The following FGF13 variants were observed in gnomAD, a reference collection of about 807,000 sequenced individuals.
FGF13 encodes fibroblast growth factor 13.
Under a neutral mutation model 19.5 loss-of-function variants are expected in FGF13, and 2 were observed. The ratio of observed to expected loss-of-function variants is 0.10; its 90% CI spans 0.04 to 0.32. The LOEUF is 0.32. FGF13 is among the 10% of genes least tolerant of loss of function. FGF13 has a pLI of 1.00. For missense variants in FGF13, 113 were observed against 192.7 expected (o/e 0.59, Z 2.45); for synonymous variants, 72 against 76.9 (o/e 0.94, Z 0.33).
chrX:139,070,037 A>T lies in FGF13; in HGVS notation c.-113+133379T>A, dbSNP rs181706755. On this transcript the variant is annotated intron_variant, in intron 1 of 2. Transcript: ENST00000421460. Reference sequence around the variant, plus strand: ...TAAAACCATAAAAACTCTAGAAGAAAACCTAGGCAATACCATTCAGGACAT... The same window carrying T: ...TAAAACCATAAAAACTCTAGAAGAATACCTAGGCAATACCATTCAGGACAT... 4.4e-3 allele frequency among the ~76,000 whole-genome samples: 491 copies of T among 112,363 alleles called. 1 individual carries two copies. The highest frequency in any genetic ancestry group is 0.015 in the African/African-American group (466 of 30,939).
At chrX:138,676,808 A>G (rs747270437) in intron 3 of FGF13, among the ~76,000 whole-genome samples, 158 of 112,188 alleles carry the variant, frequency 1.4e-3, no homozygotes, top group Middle Eastern at 4.6e-3. Context: ...TTGCTCCCCC[A>G]TCGCTCAGGT....
At chrX:138,959,299 AG>A (rs2091857393) in intron 1 of FGF13, among the ~76,000 whole-genome samples, 1 of 111,961 alleles carries the variant, frequency 8.9e-6, no homozygotes, top group Non-Finnish European at 1.9e-5. Context: ...ATTCAGGAGC[AG>A]GTTGTTCAGA....
At chrX:138,671,287 C>T (rs57376157) in intron 3 of FGF13, among the ~76,000 whole-genome samples, 1,773 of 110,547 alleles carry the variant, frequency 0.016, 25 homozygotes, top group African/African-American at 0.054. Flanking sequence ...GAAAAACCTC[C>T]GGTTTTTCTA....
chrX:138,819,975 A>G (rs2090987837), intron 3 of FGF13, among the ~76,000 whole-genome samples: 2 of 111,527 alleles, frequency 1.8e-5, no homozygotes, highest in Non-Finnish European at 3.8e-5. Context: ...CCAAGACTTG[A>G]GTTCACAGCT....
At chrX:139,031,168 C>G (rs980991697) in intron 1 of FGF13, among the ~76,000 whole-genome samples, 2 of 111,496 alleles carry the variant, frequency 1.8e-5, no homozygotes, top group South Asian at 7.5e-4. Flanking sequence ...CCCTTCAAAG[C>G]AGCTGAAGAT....
chrX:138,742,190 T>A (rs1163307226), upstream of FGF13, among the ~76,000 whole-genome samples: 1 of 112,333 alleles, frequency 8.9e-6, no homozygotes, highest in Non-Finnish European at 1.9e-5. Context: ...TTCCCTCATT[T>A]ACTGGACTGT....
chrX:138,994,779 A>G (rs1340707600), intron 1 of FGF13, among the ~76,000 whole-genome samples: 2 of 110,959 alleles, frequency 1.8e-5, no homozygotes, highest in African/African-American at 3.3e-5. Context: ...ACCCAATATT[A>G]TTCTTATAAA....
intron 3 of FGF13, among the ~76,000 whole-genome samples, chrX:138,695,030 CACAA>C (rs1335085173): frequency 2.7e-4 from 28 of 103,270 alleles, no homozygotes; most frequent in Middle Eastern, 4.9e-3. Context: ...CACACACACA[CACAA>C]ACCCAGAAAA....
At chrX:139,123,891 C>G (rs2083695519) in intron 1 of FGF13, among the ~76,000 whole-genome samples, 1 of 112,376 alleles carries the variant, frequency 8.9e-6, no homozygotes, top group African/African-American at 3.2e-5. Context: ...GTTCTCTTTC[C>G]CACTCTACTC....
intron 1 of FGF13, among the ~76,000 whole-genome samples, chrX:138,935,305 T>G (rs915455561): frequency 9.2e-6 from 1 of 108,996 alleles, no homozygotes; most frequent in Non-Finnish European, 1.9e-5. Context: ...GGGGAAAAAA[T>G]GAAAAAAAAA....
intron 1 of FGF13, among the ~76,000 whole-genome samples, chrX:139,000,034 C>T (rs748344762): frequency 1.8e-5 from 2 of 112,024 alleles, no homozygotes; most frequent in South Asian, 3.7e-4. Flanking sequence ...GTTCAACATA[C>T]ACAAATCAAT....
intron 1 of FGF13, among the ~76,000 whole-genome samples, chrX:138,912,673 G>A (rs2091594554): frequency 9.0e-6 from 1 of 111,423 alleles, no homozygotes; most frequent in Admixed American, 9.5e-5. Flanking sequence ...CCAGTTATTT[G>A]CATTTTAGTA....
At chrX:139,199,251 G>A (rs1178627963) in intron 1 of FGF13, among the ~76,000 whole-genome samples, 1 of 112,383 alleles carries the variant, frequency 8.9e-6, no homozygotes, top group Non-Finnish European at 1.9e-5. Flanking sequence ...GTTTAGCTGA[G>A]CAAGGTAATA....
intron 1 of FGF13, among the ~76,000 whole-genome samples, chrX:138,956,014 C>T (rs1417428243): frequency 9.0e-6 from 1 of 111,627 alleles, no homozygotes; most frequent in Non-Finnish European, 1.9e-5. Context: ...AGCTGAGGCT[C>T]AGTTGGGTTT....
intron 3 of FGF13, among the ~76,000 whole-genome samples, chrX:138,831,137 G>A (rs771079636): frequency 1.3e-4 from 15 of 111,670 alleles, no homozygotes; most frequent in Non-Finnish European, 2.3e-4. Flanking sequence ...TCCATGTGAC[G>A]CTAATTGTTC....
chrX:138,857,944 G>A (rs1032586236), intron 2 of FGF13, among the ~76,000 whole-genome samples: 1 of 112,155 alleles, frequency 8.9e-6, no homozygotes, highest in South Asian at 3.7e-4. Flanking sequence ...GTGCAAAAAC[G>A]TATTTTAATA....
Position 138,908,280 on chromosome X carries a change from G to A in FGF13, c.-112-43630C>T, listed in dbSNP as rs191701653. On this transcript the variant is annotated intron_variant, in intron 1 of 2. Coordinates refer to the FGF13 transcript ENST00000421460. ...TTTTTAGTAGAAACGGGGTTTCACC[G>A]TGTTAGCCAGGATGGTCTCGATCTC... Among the ~76,000 whole-genome samples, 999 of 107,230 alleles carry A rather than the reference G, an allele frequency of 9.3e-3. 20 individuals carry two copies. Among genetic ancestry groups the A allele is most frequent in the African/African-American group, 0.032 (940 of 29,224 alleles). The allele number at this position is 107,230 out of a possible 115,157, so 93.1% of individuals were successfully genotyped here.
chrX:139,041,503 ACTC>A (rs2092270030), intron 1 of FGF13, among the ~76,000 whole-genome samples: 1 of 110,871 alleles, frequency 9.0e-6, no homozygotes, highest in Non-Finnish European at 1.9e-5. Context: ...TGCAGGATGG[ACTC>A]CTCCTATTGA....
At chrX:139,140,842 G>A (rs749553842) in intron 1 of FGF13, among the ~76,000 whole-genome samples, 2 of 110,505 alleles carry the variant, frequency 1.8e-5, no homozygotes, top group Admixed American at 9.7e-5. Flanking sequence ...ATCTTCCACC[G>A]CATTTCCTTG....
Sources: allele counts gnomAD v4.1 joint callset (sites outside exome capture counted in the v4.1 genomes callset), GRCh38; gene constraint gnomAD v4.1.1; transcripts MANE v1.5; gene names NCBI Gene and HGNC (gene_info 2026-07-23, HGNC 2026-07-21).